The following HCN1 variants were observed in gnomAD, a reference collection of about 807,000 sequenced individuals.
The protein encoded by HCN1 is hyperpolarization activated cyclic nucleotide gated potassium channel 1, also known as potassium/sodium hyperpolarization-activated cyclic nucleotide-gated channel 1.
HCN1 carries 13 observed loss-of-function variants against 78.9 expected under a neutral mutation model. The observed-to-expected ratio is 0.16, with a 90% confidence interval of 0.11 to 0.26. The LOEUF (loss-of-function observed/expected upper bound fraction) is 0.26. Ranked by LOEUF, HCN1 falls within the 10% of genes least tolerant of loss-of-function variation. HCN1 has a pLI of 1.00. For synonymous variants in HCN1, 552 were observed against 455.5 expected (o/e 1.21, Z -2.70); for missense variants, 810 against 1,154.3 (o/e 0.70, Z 4.32).
At chr5:45,439,961 ATAT>A (rs970282013) in intron 3 of HCN1, among the ~76,000 whole-genome samples, 12 of 148,366 alleles carry the variant, frequency 8.1e-5, no homozygotes, top group Admixed American at 5.4e-4. Flanking sequence ...TAACAAAAAT[ATAT>A]TATTAAATAT....
rs539415536 is a variant in HCN1 at position 45,375,710 on chromosome 5, A to C, written c.1230+20782T>G. On this transcript the variant is annotated intron_variant, in intron 4 of 7. Transcript: ENST00000303230. ...TATAAGATCATATTTTATGATACAT[A>C]TTATATATAATATCATATTTTATGA... Among the ~76,000 whole-genome samples the C allele has an allele frequency of 6.3e-4, 71 of 113,222 alleles. 1 individual carries two copies. Among genetic ancestry groups the C allele is most frequent in the South Asian group, 2.0e-3 (8 of 4,010 alleles). 74.3% of individuals were successfully genotyped at this position (113,222 alleles called of 152,430 possible).
At chr5:45,291,935 TG>T (rs1249736287) in intron 6 of HCN1, among the ~76,000 whole-genome samples, 1 of 152,114 alleles carries the variant, frequency 6.6e-6, no homozygotes, top group Admixed American at 6.6e-5. Flanking sequence ...TGTATACATT[TG>T]TTTATTGTTT....
chr5:45,353,020 C>T (rs1254872328), intron 5 of HCN1, 80 bp downstream of exon 5: 13 of 1,236,776 alleles, frequency 1.1e-5, no homozygotes, highest in African/African-American at 4.5e-5. Context: ...TTTAGAGTAA[C>T]GTGGACTAGA....
chr5:45,601,460 C>A lies in HCN1; in HGVS notation c.849+43725G>T, dbSNP rs367813504. Reference sequence around the variant, plus strand: ...GGCCTGTGTTTCTCACCTGTAAAATCAGAAGCTAGGAGATGACAGCTAAAA... The same window carrying A: ...GGCCTGTGTTTCTCACCTGTAAAATAAGAAGCTAGGAGATGACAGCTAAAA... On this transcript the variant is annotated intron_variant, in intron 2 of 7. Coordinates refer to ENST00000303230, the MANE Select transcript of HCN1 (RefSeq NM_021072.4). Among the ~76,000 whole-genome samples, 46 of 152,240 alleles carry A rather than the reference C, an allele frequency of 3.0e-4. No individual in the cohort carries two copies. In the South Asian group the frequency reaches 9.1e-3, roughly 30 times the overall value.
intron 6 of HCN1, among the ~76,000 whole-genome samples, chr5:45,284,514 GC>G (rs1745230319): frequency 1.3e-5 from 2 of 152,236 alleles, no homozygotes; most frequent in South Asian, 4.1e-4. Flanking sequence ...AGGAGACTTA[GC>G]ATCTGTGCAC....
At chr5:45,617,157 C>A (rs925763364) in intron 2 of HCN1, among the ~76,000 whole-genome samples, 1 of 152,022 alleles carries the variant, frequency 6.6e-6, no homozygotes, top group Non-Finnish European at 1.5e-5. Context: ...TAAAGTCAGA[C>A]CAAACCAGCT....
intron 2 of HCN1, among the ~76,000 whole-genome samples, chr5:45,466,233 C>T (rs1384606949): frequency 6.6e-6 from 1 of 152,080 alleles, no homozygotes; most frequent in Non-Finnish European, 1.5e-5. Context: ...ATTCATCGGT[C>T]TTTCAATCTA....
intron 6 of HCN1, among the ~76,000 whole-genome samples, chr5:45,279,602 TTAG>T (rs1416631651): frequency 2.0e-5 from 3 of 152,096 alleles, no homozygotes; most frequent in Non-Finnish European, 2.9e-5. Flanking sequence ...ATCTAACGAA[TTAG>T]TAGAATAGTG....
chr5:45,625,120 T>G (rs1042240605), intron 2 of HCN1, among the ~76,000 whole-genome samples: 2 of 152,012 alleles, frequency 1.3e-5, no homozygotes, highest in Admixed American at 6.6e-5. Context: ...GGAGCCAACA[T>G]AGTGAAACCC....
chr5:45,483,607 A>C (rs942597020), intron 2 of HCN1, among the ~76,000 whole-genome samples: 4 of 152,092 alleles, frequency 2.6e-5, no homozygotes, highest in African/African-American at 9.7e-5. Flanking sequence ...TTTGTTGTTC[A>C]GAAGCTCTTT....
At chr5:45,638,288 G>A (rs969520027) in intron 2 of HCN1, among the ~76,000 whole-genome samples, 1 of 152,072 alleles carries the variant, frequency 6.6e-6, no homozygotes, top group Non-Finnish European at 1.5e-5. Context: ...AGGCAACTGG[G>A]TATATAATTT....
intron 5 of HCN1, among the ~76,000 whole-genome samples, chr5:45,339,812 G>A (rs775950431): frequency 3.3e-5 from 5 of 152,172 alleles, no homozygotes; most frequent in Admixed American, 6.5e-5. Context: ...GGAAATAAAA[G>A]GTTTGTCAGA....
At chr5:45,446,219 G>C (rs1276409740) in intron 3 of HCN1, among the ~76,000 whole-genome samples, 3 of 152,204 alleles carry the variant, frequency 2.0e-5, no homozygotes, top group African/African-American at 7.2e-5. Context: ...GAAAGCCAAG[G>C]CTCGAGAACT....
At chr5:45,359,691 T>C (rs1052091347) in intron 4 of HCN1, among the ~76,000 whole-genome samples, 24 of 151,756 alleles carry the variant, frequency 1.6e-4, no homozygotes, top group Admixed American at 3.9e-4. Context: ...ATAGAGCTTC[T>C]TTAAACTTTA....
intron 5 of HCN1, among the ~76,000 whole-genome samples, chr5:45,304,374 C>T (rs896263514): frequency 4.0e-5 from 6 of 151,444 alleles, no homozygotes; most frequent in Middle Eastern, 3.2e-3. Context: ...ACAAAGGAAA[C>T]TCTAATCTAA....
intron 2 of HCN1, among the ~76,000 whole-genome samples, chr5:45,589,519 G>A (rs1366418185): frequency 3.3e-5 from 5 of 152,122 alleles, no homozygotes; most frequent in Non-Finnish European, 5.9e-5. Context: ...TATGAAAGAG[G>A]TACAGGAAAT....
intron 5 of HCN1, among the ~76,000 whole-genome samples, chr5:45,348,156 C>T (rs946761975): frequency 1.7e-4 from 26 of 152,184 alleles, no homozygotes; most frequent in Non-Finnish European, 3.1e-4. Context: ...ATCAGACTAA[C>T]AGCAGATCTC....
At chr5:45,428,241 C>G (rs1185715106) in intron 3 of HCN1, among the ~76,000 whole-genome samples, 2 of 151,948 alleles carry the variant, frequency 1.3e-5, no homozygotes, top group Admixed American at 1.3e-4. Flanking sequence ...CACTATGAAA[C>G]AATTGATATA....
At chr5:45,503,757 T>TC (rs1439404977) in intron 2 of HCN1, among the ~76,000 whole-genome samples, 14 of 110,428 alleles carry the variant, frequency 1.3e-4, no homozygotes, top group Non-Finnish European at 2.6e-4. Flanking sequence ...TATTCCCCCC[T>TC]CCCCCCACGC....
Sources: allele counts gnomAD v4.1 joint callset (sites outside exome capture counted in the v4.1 genomes callset), GRCh38; gene constraint gnomAD v4.1.1; transcripts MANE v1.5; gene names NCBI Gene and HGNC (gene_info 2026-07-23, HGNC 2026-07-21).